HDAC4: variants seen among roughly 807,000 people sequenced by gnomAD.
The protein encoded by HDAC4 is histone deacetylase 4, also known as histone deacetylase A.
HDAC4 carries 16 observed loss-of-function variants against 135.1 expected under a neutral mutation model. The ratio of observed to expected loss-of-function variants is 0.12; its 90% CI spans 0.08 to 0.18. The LOEUF (loss-of-function observed/expected upper bound fraction) is 0.18. HDAC4 is among the 10% of genes least tolerant of loss of function. HDAC4 has a pLI of 1.00. For missense variants in HDAC4, 1,143 were observed against 1,511.8 expected (o/e 0.76, Z 4.05); for synonymous variants, 685 against 653.4 (o/e 1.05, Z -0.74).
intron 2 of HDAC4, among the ~76,000 whole-genome samples, chr2:239,258,217 T>C (rs2049153957): frequency 6.6e-6 from 1 of 151,728 alleles, no homozygotes; most frequent in Admixed American, 6.6e-5. Context: ...CAGAAGGACA[T>C]TTCCAGAATG....
At chr2:239,111,415 C>A in intron 14 of HDAC4, 111 bp downstream of exon 14, 1 of 1,141,038 alleles carries the variant, frequency 8.8e-7, no homozygotes, top group Non-Finnish European at 1.3e-6. Context: ...GGCCCTCGTG[C>A]CTGCCCAGCC....
chr2:239,185,154 C>T (rs1396064816), intron 4 of HDAC4, among the ~76,000 whole-genome samples: 1 of 151,838 alleles, frequency 6.6e-6, no homozygotes, highest in Non-Finnish European at 1.5e-5. Context: ...AGGCTGTGCC[C>T]TATGGGAGGA....
chr2:239,222,248 C>T (rs962694306), intron 3 of HDAC4, among the ~76,000 whole-genome samples: 1 of 152,200 alleles, frequency 6.6e-6, no homozygotes, highest in Non-Finnish European at 1.5e-5. Flanking sequence ...GGAGCAAGAC[C>T]ATCTGTGTGC....
rs1178506664 is a variant in HDAC4, at chr2:239,108,158, C to T, written c.2004G>A (p.Leu668=). 1 of 1,605,510 alleles carries T rather than the reference C, an allele frequency of 6.2e-7. No homozygotes were observed. ...TACTCCCGCAGGTGCACTGGTGCTT[C>T]AGCATCAGCGTGTCATACACGAGGC... The part of the protein sequence containing the change: ...TTGLVYDTLM[L]KHQCTCGSSS... The change falls in exon 15 of 27, where the codon CTG becomes CTA. Residue 668 remains leucine, a synonymous_variant. Coordinates refer to ENST00000543185, the MANE Select transcript of HDAC4 (RefSeq NM_001378414.1).
At chr2:239,140,959 A>G in intron 8 of HDAC4, 2 of 450,376 alleles carry the variant, frequency 4.4e-6, no homozygotes, top group East Asian at 8.1e-5. Context: ...GGGTGGGGGA[A>G]CAGGTAAAGC....
intron 3 of HDAC4, among the ~76,000 whole-genome samples, chr2:239,197,847 T>TTTTGTGTGTGTGTGTG (rs1553553322): frequency 4.3e-5 from 6 of 140,126 alleles, no homozygotes; most frequent in African/African-American, 1.6e-4. Flanking sequence ...CACTAAAAGT[T>TTTTGTGTGTGTGTGTG]TGTGTGTGTG....
rs1239435905 is a variant in HDAC4 at position 239,052,616 on chromosome 2, A to G, written c.*481T>C. 1 of 169,700 alleles carries G rather than the reference A, an allele frequency of 5.9e-6. No individual in the cohort carries two copies. Among genetic ancestry groups the G allele is most frequent in the Non-Finnish European group, 1.3e-5 (1 of 77,132 alleles). The allele number at this position is 169,700 out of a possible 1,614,324, so 10.5% of individuals were successfully genotyped here. ...GTAGAAAACGTCCTCTTTAAAAAAA[A>G]ATAAGCTACAAGATGAGTCGAGTGG... On this transcript the variant is annotated 3_prime_UTR_variant, in exon 27 of 27. Transcript: ENST00000543185.
intron 2 of HDAC4, among the ~76,000 whole-genome samples, chr2:239,251,477 C>A (rs1559286180): frequency 6.6e-6 from 1 of 152,142 alleles, no homozygotes; most frequent in Admixed American, 6.5e-5. Context: ...TGACTGTAGT[C>A]CCAGCTACTT....
At chr2:239,272,130 G>T (rs2050093085) in intron 2 of HDAC4, among the ~76,000 whole-genome samples, 1 of 152,208 alleles carries the variant, frequency 6.6e-6, no homozygotes, top group South Asian at 2.1e-4. Context: ...TGCAGAAGCT[G>T]GCTGGGCAAT....
intron 2 of HDAC4, among the ~76,000 whole-genome samples, chr2:239,328,302 A>G (rs1198822005): frequency 6.6e-6 from 1 of 152,194 alleles, no homozygotes; most frequent in Admixed American, 6.5e-5. Flanking sequence ...AAAATGTTCT[A>G]CAAAAACAAG....
At chr2:239,291,580 G>A (rs965110450) in intron 2 of HDAC4, among the ~76,000 whole-genome samples, 2 of 152,252 alleles carry the variant, frequency 1.3e-5, no homozygotes, top group Non-Finnish European at 2.9e-5. Context: ...GCAACCCACG[G>A]TAGGGCCCGA....
chr2:239,142,432 C>A (rs368062049), intron 8 of HDAC4, among the ~76,000 whole-genome samples: 16 of 152,194 alleles, frequency 1.1e-4, no homozygotes, highest in African/African-American at 3.9e-4. Context: ...GTACCAGTGC[C>A]GGCCAGGAGA....
rs35449811 is a variant in HDAC4 at position 239,298,863 on chromosome 2, A to ATTTTT, written c.22+53810_22+53814dup. On this transcript the variant is annotated intron_variant, in intron 2 of 26. Transcript: ENST00000543185. ...AAGCAACCCTTCATGGCCATAGCCT[A>ATTTTT]TTTTTTTTTTTTTTTTTTTTTTTTT... Among the ~76,000 whole-genome samples, 121 of 82,960 alleles carry ATTTTT rather than the reference A, an allele frequency of 1.5e-3. 8 individuals are homozygous for ATTTTT. The highest frequency in any genetic ancestry group is 3.9e-3 in the African/African-American group (77 of 19,550). 54.4% of individuals were successfully genotyped at this position (82,960 alleles called of 152,430 possible).
At chr2:239,056,164 C>A (rs750095529) in intron 24 of HDAC4, among the ~76,000 whole-genome samples, 7 of 152,228 alleles carry the variant, frequency 4.6e-5, no homozygotes, top group Non-Finnish European at 1.0e-4. Flanking sequence ...ATACCCACAG[C>A]AGGCTTCAAA....
intron 2 of HDAC4, among the ~76,000 whole-genome samples, chr2:239,344,260 G>T (rs527715390): frequency 6.6e-6 from 1 of 152,062 alleles, no homozygotes; most frequent in Non-Finnish European, 1.5e-5. Context: ...TTCTCACACC[G>T]CGTTTTCTAT....
At chr2:239,296,679 T>C (rs2051913450) in intron 2 of HDAC4, among the ~76,000 whole-genome samples, 1 of 152,164 alleles carries the variant, frequency 6.6e-6, no homozygotes, top group Non-Finnish European at 1.5e-5. Context: ...GCAGCACTGC[T>C]TAAATGTGTC....
chr2:239,057,885 T>C (rs1380681914), intron 24 of HDAC4, among the ~76,000 whole-genome samples: 1 of 152,072 alleles, frequency 6.6e-6, no homozygotes, highest in East Asian at 1.9e-4. Context: ...AGGGATGACA[T>C]AGAGCAATAA....
At chr2:239,333,112 C>T (rs1386951230) in intron 2 of HDAC4, among the ~76,000 whole-genome samples, 1 of 152,136 alleles carries the variant, frequency 6.6e-6, no homozygotes, top group Non-Finnish European at 1.5e-5. Context: ...GCAAATCCAT[C>T]CCAACTTAAG....
At chr2:239,297,601 C>A (rs1053267128) in intron 2 of HDAC4, among the ~76,000 whole-genome samples, 1 of 152,210 alleles carries the variant, frequency 6.6e-6, no homozygotes, top group African/African-American at 2.4e-5. Flanking sequence ...CTGTGCATCA[C>A]CTGTGGTCAC....
Sources: gnomAD v4.1 joint callset for allele counts (sites outside exome capture counted in the v4.1 genomes callset) on GRCh38, gnomAD v4.1.1 for gene constraint, MANE v1.5 for transcripts, NCBI Gene and HGNC (gene_info 2026-07-23, HGNC 2026-07-21) for gene names.